VCF2: variants seen among roughly 807,000 people sequenced by gnomAD.
VCF2 encodes VCP nuclear cofactor family member 2.
chrX:55,152,753 T>C, the VCF2 span, among the ~76,000 whole-genome samples: 2 of 112,003 alleles, frequency 1.8e-5, no homozygotes. Flanking sequence ...CATACCTTTC[T>C]CACAATTTGC....
the VCF2 span, among the ~76,000 whole-genome samples, chrX:55,151,081 T>A: frequency 8.9e-6 from 1 of 112,403 alleles, no homozygotes; most frequent in Non-Finnish European, 1.9e-5. Flanking sequence ...CTGAAGCATA[T>A]TTCTACCTGA....
At chrX:55,153,769 C>T in the VCF2 span, among the ~76,000 whole-genome samples, 1 of 111,939 alleles carries the variant, frequency 8.9e-6, no homozygotes. Context: ...AGTAAAATCT[C>T]CTGCTTATGG....
the VCF2 span, chrX:55,143,765 G>A: frequency 2.1e-5 from 24 of 1,121,841 alleles, no homozygotes; most frequent in African/African-American, 3.6e-5. Context: ...CCTTCATAGC[G>A]GAGATAAGTA....
chrX:55,146,721 C>T, the VCF2 span, among the ~76,000 whole-genome samples: 1 of 112,282 alleles, frequency 8.9e-6, no homozygotes, highest in Non-Finnish European at 1.9e-5. Context: ...ATGACCATAA[C>T]AAGTAAGTTG....
the VCF2 span, among the ~76,000 whole-genome samples, chrX:55,160,529 G>T: frequency 3.6e-4 from 40 of 112,398 alleles, no homozygotes; most frequent in African/African-American, 1.3e-3. Context: ...ATTTATCACA[G>T]AATATGATTA....
the VCF2 span, among the ~76,000 whole-genome samples, chrX:55,149,580 A>G: frequency 1.8e-5 from 2 of 111,623 alleles, no homozygotes; most frequent in Non-Finnish European, 3.8e-5. Flanking sequence ...TGTAACGGCC[A>G]ATTTTGAGAG....
At chrX:55,159,079 T>A in the VCF2 span, 12 of 972,393 alleles carry the variant, frequency 1.2e-5, no homozygotes, top group African/African-American at 1.8e-4. Context: ...AATTGGATAA[T>A]TTAGTGTAGG....
chrX:55,145,158 G>T, the VCF2 span: 1 of 212,798 alleles, frequency 4.7e-6, no homozygotes, highest in Non-Finnish European at 6.9e-6. Context: ...GGTCTATGTA[G>T]CATAAAGTGG....
chrX:55,159,136 T>A, the VCF2 span: 1 of 1,203,205 alleles, frequency 8.3e-7, no homozygotes, highest in Non-Finnish European at 1.1e-6. Context: ...TACCTCTGTA[T>A]CTTGAGAATC....
chrX:55,155,562 AG>A, the VCF2 span, among the ~76,000 whole-genome samples: 1 of 112,110 alleles, frequency 8.9e-6, no homozygotes, highest in African/African-American at 3.2e-5. Flanking sequence ...AATGCAATTT[AG>A]GAAGTCTCAG....
At chrX:55,157,632 T>C in the VCF2 span, among the ~76,000 whole-genome samples, 2 of 112,223 alleles carry the variant, frequency 1.8e-5, no homozygotes, top group African/African-American at 6.5e-5. Context: ...ACAGGATTCA[T>C]AGACCTCTAA....
the VCF2 span, among the ~76,000 whole-genome samples, chrX:55,155,028 C>T: frequency 8.9e-6 from 1 of 111,753 alleles, no homozygotes; most frequent in Admixed American, 9.5e-5. Context: ...TGAAATGCAT[C>T]TGAGCTAGGC....
the VCF2 span, chrX:55,146,111 C>G: frequency 1.7e-6 from 2 of 1,210,989 alleles, no homozygotes; most frequent in Non-Finnish European, 2.2e-6. Context: ...CTCGCTGCTG[C>G]AGGCTGTTGA....
the VCF2 span, among the ~76,000 whole-genome samples, chrX:55,144,123 T>C: frequency 9.0e-6 from 1 of 111,649 alleles, no homozygotes; most frequent in Non-Finnish European, 1.9e-5. Context: ...ATAGGGGGAA[T>C]GAATGGAAAT....
chrX:55,157,298 C>T, the VCF2 span, among the ~76,000 whole-genome samples: 5 of 111,990 alleles, frequency 4.5e-5, no homozygotes, highest in Non-Finnish European at 7.5e-5. Context: ...TTTGGGAGGC[C>T]GAGGCGGGCG....
At chrX:55,147,655 T>TTTTTTTTTTG in the VCF2 span, among the ~76,000 whole-genome samples, 1 of 99,503 alleles carries the variant, frequency 1.0e-5, no homozygotes, top group African/African-American at 3.7e-5. Flanking sequence ...TTTTTTTTTT[T>TTTTTTTTTTG]TTTTGTTACA....
chrX:55,149,036 T>C, the VCF2 span, among the ~76,000 whole-genome samples: 23 of 112,063 alleles, frequency 2.1e-4, no homozygotes, highest in East Asian at 5.6e-3. Flanking sequence ...AATTTGTCCA[T>C]GAATCTGAAA....
At chrX:55,145,864 T>C in the VCF2 span, 23 of 936,206 alleles carry the variant, frequency 2.5e-5, no homozygotes, top group Non-Finnish European at 2.9e-5. Flanking sequence ...ACTTGAAAAC[T>C]CTATGTAGAA....
the VCF2 span, chrX:55,145,764 G>T: frequency 1.3e-6 from 1 of 793,410 alleles, no homozygotes; most frequent in Non-Finnish European, 1.5e-6. Context: ...CTAACTGACA[G>T]ATCTGGAAAT....
Sources: gnomAD v4.1 joint callset for allele counts (sites outside exome capture counted in the v4.1 genomes callset) on GRCh38, gnomAD v4.1.1 for gene constraint, MANE v1.5 for transcripts, NCBI Gene and HGNC (gene_info 2026-07-23, HGNC 2026-07-21) for gene names.